LRRC53: variants seen among roughly 807,000 people sequenced by gnomAD.
LRRC53 encodes leucine-rich repeat-containing protein 53.
Under a neutral mutation model 13.6 loss-of-function variants are expected in LRRC53, and 25 were observed. The observed-to-expected ratio is 1.83, with a 90% CI of 1.34 to 2.56. The LOEUF (loss-of-function observed/expected upper bound fraction) is 2.56. Among genes scored for constraint, LRRC53 ranks in the 30% most tolerant of loss-of-function variants. The pLI is 0.00. For missense variants in LRRC53, 527 were observed against 275.8 expected (o/e 1.91, Z -6.45); for synonymous variants, 204 against 109.8 (o/e 1.86, Z -5.37).
chr1:74,532,599 A>G, the LRRC53 span, among the ~76,000 whole-genome samples: 1 of 151,750 alleles, frequency 6.6e-6, no homozygotes, highest in Non-Finnish European at 1.5e-5. Context: ...AGCATTAGGT[A>G]TATCTCCTAA....
intron 1 of LRRC53, among the ~76,000 whole-genome samples, chr1:74,507,939 C>G (rs1669989636): frequency 6.6e-6 from 1 of 152,138 alleles, no homozygotes. Context: ...GGGAGTTTGC[C>G]AGGAACCAAA....
Position 74,483,533 on chromosome 1 carries a change from T to C in LRRC53, c.-26-158A>G, listed in dbSNP as rs78871399. ...CCAGGTAAATAACTACATTCCTTAA[T>C]TTGCATAGAATTTAAACTGAAATGT... On this transcript the variant is annotated intron_variant, in intron 1 of 4. Coordinates refer to ENST00000294635, the MANE Select transcript of LRRC53 (RefSeq NM_001382280.1). Among the ~76,000 whole-genome samples the C allele has an allele frequency of 8.0e-3, 1,224 of 152,302 alleles. 16 individuals carry two copies. Among genetic ancestry groups the C allele is most frequent in the African/African-American group, 0.028 (1,165 of 41,554 alleles).
intron 1 of LRRC53, among the ~76,000 whole-genome samples, chr1:74,483,670 A>C (rs528442223): frequency 5.9e-5 from 9 of 152,350 alleles, no homozygotes; most frequent in African/African-American, 1.7e-4. Context: ...TGCTTTCACC[A>C]AACATTATCT....
upstream of LRRC53, among the ~76,000 whole-genome samples, chr1:74,514,644 G>A (rs913852753): frequency 6.6e-6 from 1 of 152,098 alleles, no homozygotes. Flanking sequence ...ATAGTAAGGG[G>A]GGAAGCTGGG....
chr1:74,487,466 A>T (rs1293500444), intron 1 of LRRC53, among the ~76,000 whole-genome samples: 1 of 152,160 alleles, frequency 6.6e-6, no homozygotes, highest in Non-Finnish European at 1.5e-5. Context: ...TCCATGGGAG[A>T]TTAGAGGGTC....
the LRRC53 span, among the ~76,000 whole-genome samples, chr1:74,523,704 T>G: frequency 6.6e-6 from 1 of 152,242 alleles, no homozygotes. Flanking sequence ...AATACCTATT[T>G]GTTGGTAATT....
the LRRC53 span, among the ~76,000 whole-genome samples, chr1:74,528,218 A>C: frequency 6.6e-6 from 1 of 152,256 alleles, no homozygotes; most frequent in South Asian, 2.1e-4. Context: ...GGTGGAAGGA[A>C]GTTGGAGCAT....
chr1:74,502,450 A>G (rs1669680614), intron 1 of LRRC53, among the ~76,000 whole-genome samples: 1 of 152,258 alleles, frequency 6.6e-6, no homozygotes, highest in Non-Finnish European at 1.5e-5. Flanking sequence ...ACTATTTAGT[A>G]GAAAAAATGG....
the LRRC53 span, among the ~76,000 whole-genome samples, chr1:74,531,440 T>C: frequency 6.6e-6 from 1 of 152,160 alleles, no homozygotes; most frequent in Non-Finnish European, 1.5e-5. Flanking sequence ...AAATATCATC[T>C]TACTCTTTAG....
intron 1 of LRRC53, among the ~76,000 whole-genome samples, chr1:74,485,037 C>G (rs1029868260): frequency 1.3e-5 from 2 of 152,114 alleles, no homozygotes; most frequent in African/African-American, 4.8e-5. Context: ...AATTTGAGCT[C>G]ATTTAACCTG....
At chr1:74,482,989 T>C (rs1668579799) in intron 2 of LRRC53, among the ~76,000 whole-genome samples, 1 of 152,072 alleles carries the variant, frequency 6.6e-6, no homozygotes, top group South Asian at 2.1e-4. Context: ...AAGTGATATA[T>C]TTGTTAAGTG....
chr1:74,516,807 T>C (rs1245178548), upstream of LRRC53, among the ~76,000 whole-genome samples: 1 of 152,220 alleles, frequency 6.6e-6, no homozygotes, highest in Non-Finnish European at 1.5e-5. Context: ...TTATAACAAG[T>C]TAAGGCAGCT....
the LRRC53 span, among the ~76,000 whole-genome samples, chr1:74,520,109 A>T: frequency 1.3e-5 from 2 of 152,166 alleles, no homozygotes; most frequent in Non-Finnish European, 2.9e-5. Context: ...TCACCTGAGC[A>T]GTATATGCTG....
upstream of LRRC53, among the ~76,000 whole-genome samples, chr1:74,513,755 A>C (rs979010530): frequency 4.6e-5 from 7 of 152,236 alleles, no homozygotes; most frequent in African/African-American, 1.7e-4. Context: ...AGTGAAGCTG[A>C]TGACACATTA....
chr1:74,495,048 G>T (rs184613686), intron 1 of LRRC53, among the ~76,000 whole-genome samples: 40 of 152,278 alleles, frequency 2.6e-4, no homozygotes, highest in Non-Finnish European at 5.3e-4. Context: ...AAACCTACAT[G>T]CTGGGTGAAA....
At chr1:74,491,958 G>C (rs903924160) in intron 1 of LRRC53, 113 of 1,293,534 alleles carry the variant, frequency 8.7e-5, no homozygotes, top group Non-Finnish European at 1.1e-4. Flanking sequence ...TTCCTGAAAG[G>C]AAAAGCCAGG....
rs995843796 is a variant in LRRC53, at chr1:74,500,065, A to G, written c.-27+12461T>C. On this transcript the variant is annotated intron_variant, in intron 1 of 4. Transcript: ENST00000294635. Reference sequence around the variant, plus strand: ...AAGCTTTAATATATTATTTAAAATAACTAATTATATTTTTAATATGTTTGT... The same window carrying G: ...AAGCTTTAATATATTATTTAAAATAGCTAATTATATTTTTAATATGTTTGT... Among the ~76,000 whole-genome samples the G allele has an allele frequency of 5.3e-5, 8 of 151,904 alleles. No individual in the cohort carries two copies. In the East Asian group the frequency reaches 1.5e-3, roughly 29 times the overall value.
At chr1:74,479,713 C>T (rs4372202) in intron 3 of LRRC53, among the ~76,000 whole-genome samples, 14,796 of 152,238 alleles carry the variant, frequency 0.097, 1,873 homozygotes, top group African/African-American at 0.3. Context: ...TGGAGAAGCA[C>T]ACAAATGTAA....
At chr1:74,501,341 A>G (rs1669614214) in intron 1 of LRRC53, among the ~76,000 whole-genome samples, 1 of 152,162 alleles carries the variant, frequency 6.6e-6, no homozygotes, top group Non-Finnish European at 1.5e-5. Flanking sequence ...TTACAATTTT[A>G]CAGGAGAGTT....
Sources: allele counts gnomAD v4.1 joint callset (sites outside exome capture counted in the v4.1 genomes callset), GRCh38; gene constraint gnomAD v4.1.1; transcripts MANE v1.5; gene names NCBI Gene and HGNC (gene_info 2026-07-23, HGNC 2026-07-21).